OSBPL5: variants seen among roughly 807,000 people sequenced by gnomAD.
OSBPL5 encodes the protein oxysterol binding protein like 5.
OSBPL5 carries 71 observed loss-of-function variants against 111.2 expected under a neutral mutation model. The observed-to-expected ratio is 0.64, with a 90% confidence interval of 0.53 to 0.78. The LOEUF (loss-of-function observed/expected upper bound fraction) is 0.78. Among genes scored for constraint, OSBPL5 ranks in the 30% least tolerant of loss-of-function variants. OSBPL5 has a pLI of 0.00. For missense variants in OSBPL5, 1,210 were observed against 1,189.3 expected, an observed-to-expected ratio of 1.02 and a Z score of -0.26; for synonymous variants, 549 against 513.9, an observed-to-expected ratio of 1.07 and a Z score of -0.93.
Position 3,100,202 on chromosome 11 carries a change from C to T in OSBPL5, c.1577G>A (p.Arg526Gln), listed in dbSNP as rs142478721. The change falls in exon 14 of 22, where the codon CGA (arginine) becomes CAA (glutamine). Residue 526 changes from arginine (R) to glutamine (Q), a missense_variant. Coordinates refer to ENST00000263650, the MANE Select transcript of OSBPL5 (RefSeq NM_020896.4). ...DGKATLTFLNRAEDYTLTMPY... is the reference protein window; with the variant it reads ...DGKATLTFLNQAEDYTLTMPY... ...CATGGTAAGGGTGTAATCCTCGGCT[C>T]GGTTCAGGAAGGTGAGCGTGGCTTT... The T allele has an allele frequency of 4.6e-5, 74 of 1,613,984 alleles. No homozygotes were observed. In the Middle Eastern group the frequency reaches 6.6e-4, roughly 14 times the overall value.
Position 3,105,289 on chromosome 11 carries a change from G to A in OSBPL5, c.1060-912C>T, listed in dbSNP as rs1857654823. 6.6e-6 allele frequency among the ~76,000 whole-genome samples: 1 copy of A among 152,180 alleles called. No individual in the cohort carries two copies. The highest frequency in any genetic ancestry group is 2.1e-4 in the South Asian group (1 of 4,832). On this transcript the variant is annotated intron_variant, in intron 9 of 21. Transcript: ENST00000263650. This position sits in a 1 kb window ranked among gnomAD's most constrained non-coding sequence, Gnocchi z 5.2. ...AGTGTGGCCTGTGAGTCCTGCATCA[G>A]GATCTCATCCCCGCTGCTGGGACTC... is the stretch of plus-strand genomic sequence containing the variant.
chr11:3,135,418 G>T (rs57857970), intron 1 of OSBPL5, among the ~76,000 whole-genome samples: 15,285 of 152,242 alleles, frequency 0.1, 2,612 homozygotes, highest in African/African-American at 0.35. Flanking sequence ...AGAGAGTAAG[G>T]GGGACAGAGA....
chr11:3,119,491 G>A, intron 7 of OSBPL5, 56 bp downstream of exon 7: 2 of 1,503,126 alleles, frequency 1.3e-6, no homozygotes, highest in Non-Finnish European at 1.8e-6. Context: ...AACCTCAAAA[G>A]GGGGCCCACT....
intron 1 of OSBPL5, among the ~76,000 whole-genome samples, chr11:3,132,736 A>G (rs567547508): frequency 6.6e-6 from 1 of 152,204 alleles, no homozygotes; most frequent in Non-Finnish European, 1.5e-5. Context: ...GAGTCGATTC[A>G]GATTCTCCAC....
Position 3,146,976 on chromosome 11 carries a change from G to T in OSBPL5, c.-21-17807C>A, listed in dbSNP as rs902505682. 6.6e-6 allele frequency among the ~76,000 whole-genome samples: 1 copy of T among 152,150 alleles called. No individual in the cohort carries two copies. The highest frequency in any genetic ancestry group is 2.4e-5 in the African/African-American group (1 of 41,434). On this transcript the variant is annotated intron_variant, in intron 1 of 21. Coordinates refer to ENST00000263650, the MANE Select transcript of OSBPL5 (RefSeq NM_020896.4). The surrounding 1 kb of genome is among the most constrained non-coding windows in gnomAD (Gnocchi z 7.8). Reference sequence around the variant, plus strand: ...GCACGGGGGCCTTGGCAGCTGTCACGACCCTCCTGAGCTAAACGCACAGCC... The same window carrying T: ...GCACGGGGGCCTTGGCAGCTGTCACTACCCTCCTGAGCTAAACGCACAGCC...
intron 1 of OSBPL5, among the ~76,000 whole-genome samples, chr11:3,150,260 G>A (rs1005414404): frequency 6.6e-5 from 10 of 152,118 alleles, no homozygotes; most frequent in Non-Finnish European, 1.2e-4. Flanking sequence ...TCCCCGGGGG[G>A]AGCAGACGGT....
At chr11:3,136,665 C>T (rs761671176) in intron 1 of OSBPL5, among the ~76,000 whole-genome samples, 7 of 152,342 alleles carry the variant, frequency 4.6e-5, no homozygotes, top group Admixed American at 2.6e-4. Context: ...GATGATGTCC[C>T]AGGCCCACAG....
chr11:3,090,464 G>A, intron 20 of OSBPL5, 94 bp downstream of exon 20: 3 of 1,507,570 alleles, frequency 2.0e-6, no homozygotes, highest in South Asian at 1.2e-5. Flanking sequence ...CCCTACATCT[G>A]GGCAGGTGCT....
At position 3,105,519 on chromosome 11, in the gene OSBPL5, C is replaced by T. The variant is rs1297822161; in HGVS notation, c.1060-1142G>A. Reference sequence around the variant, plus strand: ...GAATCCTGCTCTGTCCATGTGCTCCCGTCCCGTCCTCCTTAACCCTCTCCA... The same window carrying T: ...GAATCCTGCTCTGTCCATGTGCTCCTGTCCCGTCCTCCTTAACCCTCTCCA... On this transcript the variant is annotated intron_variant, in intron 9 of 21. Coordinates refer to ENST00000263650, the MANE Select transcript of OSBPL5 (RefSeq NM_020896.4). This position sits in a 1 kb window ranked among gnomAD's most constrained non-coding sequence, Gnocchi z 5.2. Among the ~76,000 whole-genome samples the T allele has an allele frequency of 1.3e-5, 2 of 152,106 alleles. No individual in the cohort carries two copies. Among genetic ancestry groups the T allele is most frequent in the African/African-American group, 2.4e-5 (1 of 41,406 alleles).
In OSBPL5 at chr11:3,150,617, G is replaced by A. The variant is rs923541736; in HGVS notation, c.-22+14599C>T. On this transcript the variant is annotated intron_variant, in intron 1 of 21. Coordinates refer to ENST00000263650, the MANE Select transcript of OSBPL5 (RefSeq NM_020896.4). ...TGTGGTGTCGTGAGAGCTCACTGGAGAAACATGCCTCTGGGGGGAGCAGAA... is the reference window on the plus strand; with the variant it reads ...TGTGGTGTCGTGAGAGCTCACTGGAAAAACATGCCTCTGGGGGGAGCAGAA... Among the ~76,000 whole-genome samples, 3 of 152,202 alleles carry A rather than the reference G, an allele frequency of 2.0e-5. No individual in the cohort carries two copies. In the East Asian group the frequency reaches 5.8e-4, roughly 29 times the overall value.
rs1857624258 is a variant in OSBPL5, at chr11:3,104,337, T to C, written c.1100A>G (p.Asn367Ser). The change falls in exon 10 of 22, where the codon AAC (asparagine) becomes AGC (serine). Residue 367 changes from asparagine to serine, a missense_variant. Physicochemically the swap from Asn to Ser is conservative, Grantham distance 46 (BLOSUM62 1). Coordinates refer to ENST00000263650, the MANE Select transcript of OSBPL5 (RefSeq NM_020896.4). The surrounding 1 kb of genome is among the most constrained non-coding windows in gnomAD (Gnocchi z 5.0). ...CAGCAGGGTCCACATCAGACTCTTG[T>C]TCTCCTCTGACACTGTCTCCACCTG... Reference protein sequence around the residue: ...ASQVETVSEENKSLMWTLLKQ... With the variant: ...ASQVETVSEESKSLMWTLLKQ... 2 of 1,613,004 alleles carry C rather than the reference T, an allele frequency of 1.2e-6. No homozygotes were observed. The highest frequency in any genetic ancestry group is 1.7e-6 in the Non-Finnish European group (2 of 1,179,934).
intron 1 of OSBPL5, among the ~76,000 whole-genome samples, chr11:3,158,537 C>T (rs568860506): frequency 2.0e-5 from 3 of 152,338 alleles, no homozygotes; most frequent in East Asian, 3.9e-4. Flanking sequence ...GCCAGTCCAC[C>T]GCCCCAGGAC....
chr11:3,095,134 T>C (rs978980726), intron 14 of OSBPL5, among the ~76,000 whole-genome samples: 1 of 150,384 alleles, frequency 6.6e-6, no homozygotes, highest in Non-Finnish European at 1.5e-5. Context: ...CCCTGGCCCA[T>C]GAGCACGATG....
In OSBPL5 at chr11:3,120,587, C is replaced by T. The variant is rs1040235267; in HGVS notation, c.440G>A (p.Cys147Tyr). The T allele has an allele frequency of 6.2e-7, 1 of 1,613,138 alleles. No individual in the cohort carries two copies. The highest frequency in any genetic ancestry group is 1.7e-5 in the Admixed American group (1 of 60,014). Reference protein sequence around the residue: ...GTLKSWTKLWCVLKPGVLLIY... With the variant: ...GTLKSWTKLWYVLKPGVLLIY... Reference sequence around the variant, plus strand: ...GAGCAGCACCCCCGGCTTCAGCACGCACCACAGCTTGGTCCAGCTCTTCAG... The same window carrying T: ...GAGCAGCACCCCCGGCTTCAGCACGTACCACAGCTTGGTCCAGCTCTTCAG... Residue 147 changes from cysteine (C) to tyrosine (Y), a missense_variant, in exon 6 of 22, where the codon TGC (cysteine) becomes TAC (tyrosine). Physicochemically the swap from Cys to Tyr is radical, Grantham distance 194 (BLOSUM62 -2). Transcript: ENST00000263650.
chr11:3,107,419 T>C lies in OSBPL5; in HGVS notation c.903A>G (p.Ser301=), dbSNP rs898258631. The C allele has an allele frequency of 1.2e-6, 2 of 1,614,084 alleles. No homozygotes were observed. The highest frequency in any genetic ancestry group is 8.5e-7 in the Non-Finnish European group (1 of 1,179,986). Residue 301 remains serine, a synonymous_variant, in exon 9 of 22, where the codon TCA becomes TCG. Transcript: ENST00000263650. This position sits in a 1 kb window ranked among gnomAD's most constrained non-coding sequence, Gnocchi z 6.1. ...NGSSLENDAF[S]DKSERENPEE... ...CAGGGTTCTCTCTCTCCGACTTGTCTGAGAATGCATCGTTCTCCAGGGAAG... is the reference window on the plus strand; with the variant it reads ...CAGGGTTCTCTCTCTCCGACTTGTCCGAGAATGCATCGTTCTCCAGGGAAG...
intron 7 of OSBPL5, among the ~76,000 whole-genome samples, chr11:3,118,254 C>A (rs116833090): frequency 2.0e-5 from 3 of 152,228 alleles, no homozygotes; most frequent in South Asian, 2.1e-4. Context: ...CCTGCCCCCC[C>A]ATTCTATTCC....
rs935855647 is a variant in OSBPL5 at position 3,154,647 on chromosome 11, C to T, written c.-22+10569G>A. Among the ~76,000 whole-genome samples the T allele has an allele frequency of 2.6e-5, 4 of 152,172 alleles. No homozygotes were observed. The highest frequency in any genetic ancestry group is 5.9e-5 in the Non-Finnish European group (4 of 68,040). On this transcript the variant is annotated intron_variant, in intron 1 of 21. Transcript: ENST00000263650. The surrounding 1 kb of genome is among the most constrained non-coding windows in gnomAD (Gnocchi z 4.9). The stretch of plus-strand genomic sequence containing the variant: ...ATAAAAACAGAACCCACTGACGAGA[C>T]GCCTGGCAGTGCGGGGGCCCCAGGG...
At chr11:3,132,471 T>C (rs1845839682) in intron 1 of OSBPL5, among the ~76,000 whole-genome samples, 2 of 152,052 alleles carry the variant, frequency 1.3e-5, no homozygotes, top group African/African-American at 4.8e-5. Flanking sequence ...TTTTGTTCAT[T>C]TTAAAGGCCA....
chr11:3,120,474 C>T lies in OSBPL5; in HGVS notation c.553G>A (p.Gly185Ser), dbSNP rs756176554. Reference protein sequence around the residue: ...ELIERPSKKDGFCFKLFHPLD... With the variant: ...ELIERPSKKDSFCFKLFHPLD... Reference sequence around the variant, plus strand: ...GGGTGGAAGAGCTTGAAGCAGAAGCCGTCCTTCTTGGAGGGCCGCTCGATG... The same window carrying T: ...GGGTGGAAGAGCTTGAAGCAGAAGCTGTCCTTCTTGGAGGGCCGCTCGATG... Residue 185 changes from glycine (G) to serine (S), a missense_variant, in exon 6 of 22, where the codon GGC (glycine) becomes AGC (serine). Coordinates refer to ENST00000263650, the MANE Select transcript of OSBPL5 (RefSeq NM_020896.4). 5 of 1,613,262 alleles carry T rather than the reference C, an allele frequency of 3.1e-6. No individual in the cohort carries two copies. The highest frequency in any genetic ancestry group is 4.2e-6 in the Non-Finnish European group (5 of 1,180,046).
Sources: gnomAD v4.1 joint callset for allele counts (sites outside exome capture counted in the v4.1 genomes callset) on GRCh38, gnomAD v4.1.1 for gene constraint, Gnocchi (gnomAD v3.1) non-coding constraint, MANE v1.5 for transcripts, NCBI Gene and HGNC (gene_info 2026-07-23, HGNC 2026-07-21) for gene names.